CNOT2: variants seen among roughly 807,000 people sequenced by gnomAD.
The protein encoded by CNOT2 is CC chemokine receptor 4-negative regulator of transcription 2.
Under a neutral mutation model 72.1 loss-of-function variants are expected in CNOT2, and 7 were observed. The observed-to-expected ratio is 0.10, with a 90% CI of 0.06 to 0.18. CNOT2 has a LOEUF of 0.18. Among genes scored for constraint, CNOT2 ranks in the 10% least tolerant of loss-of-function variants. The probability of loss-of-function intolerance (pLI) is 1.00; values close to 1 mark genes in which losing one functional copy is unlikely to be tolerated. For synonymous variants in CNOT2, 196 were observed against 225.6 expected, an observed-to-expected ratio of 0.87 and a Z score of 1.17; for missense variants, 345 against 660.3, an observed-to-expected ratio of 0.52 and a Z score of 5.23.
chr12:70,301,534 T>A (rs557514297), intron 2 of CNOT2, among the ~76,000 whole-genome samples: 1 of 152,128 alleles, frequency 6.6e-6, no homozygotes, highest in Non-Finnish European at 1.5e-5. Context: ...TTATTGATTT[T>A]CTTATGTTGA....
At chr12:70,278,417 G>A in intron 2 of CNOT2, 143 bp downstream of exon 2, 1 of 526,614 alleles carries the variant, frequency 1.9e-6, no homozygotes, top group Non-Finnish European at 3.4e-6. Flanking sequence ...ATTAAGTACT[G>A]GATTTGATAG....
chr12:70,334,079 G>T (rs192440096), intron 7 of CNOT2, among the ~76,000 whole-genome samples: 1 of 151,730 alleles, frequency 6.6e-6, no homozygotes. Context: ...ATAGATTGGG[G>T]GTTTATTAAC....
At chr12:70,251,506 T>TA (rs1474459972) in intron 1 of CNOT2, among the ~76,000 whole-genome samples, 4 of 152,296 alleles carry the variant, frequency 2.6e-5, no homozygotes, top group African/African-American at 9.6e-5. Context: ...TATGAGGTCT[T>TA]ATCTTTTATG....
intron 4 of CNOT2, among the ~76,000 whole-genome samples, chr12:70,320,543 A>G (rs1393572905): frequency 6.6e-6 from 1 of 151,750 alleles, no homozygotes; most frequent in Non-Finnish European, 1.5e-5. Flanking sequence ...AAAGCTTATT[A>G]CATAAAAAAA....
intron 9 of CNOT2, 180 bp downstream of exon 9, chr12:70,337,693 A>G (rs1215759539): frequency 1.4e-6 from 1 of 699,230 alleles, no homozygotes; most frequent in African/African-American, 1.8e-5. Context: ...TTTTTTTCCT[A>G]TTTCATATAG....
chr12:70,261,604 C>T (rs939508169), intron 1 of CNOT2, among the ~76,000 whole-genome samples: 1 of 151,850 alleles, frequency 6.6e-6, no homozygotes, highest in Non-Finnish European at 1.5e-5. Flanking sequence ...GCGTGAGCTA[C>T]CACGCCTGGC....
intron 2 of CNOT2, among the ~76,000 whole-genome samples, chr12:70,310,118 G>A (rs896051371): frequency 3.3e-5 from 5 of 151,976 alleles, no homozygotes; most frequent in African/African-American, 1.2e-4. Context: ...ATGTGTGTAG[G>A]TTATATGCAA....
chr12:70,246,627 T>C (rs1957887331), intron 1 of CNOT2, among the ~76,000 whole-genome samples: 1 of 152,312 alleles, frequency 6.6e-6, no homozygotes, highest in South Asian at 2.1e-4. Context: ...TCACTGTGAC[T>C]TATATCAGAT....
chr12:70,273,401 A>G (rs932628606), intron 1 of CNOT2, among the ~76,000 whole-genome samples: 4 of 152,030 alleles, frequency 2.6e-5, no homozygotes, highest in East Asian at 1.9e-4. Flanking sequence ...GATATCTACC[A>G]TACTCTCTTT....
chr12:70,288,168 A>C (rs1260176453), intron 2 of CNOT2, among the ~76,000 whole-genome samples: 1 of 76,806 alleles, frequency 1.3e-5, no homozygotes, highest in African/African-American at 4.9e-5. Flanking sequence ...TTTGAAACGG[A>C]GTTTCGCTCT....
intron 2 of CNOT2, among the ~76,000 whole-genome samples, chr12:70,283,467 T>TA (rs1555192629): frequency 2.8e-5 from 4 of 142,562 alleles, no homozygotes; most frequent in South Asian, 2.3e-4. Flanking sequence ...GTCAGTCGAT[T>TA]GATAGATAGA....
chr12:70,336,975 G>A (rs1450862443), intron 8 of CNOT2: 1 of 156,382 alleles, frequency 6.4e-6, no homozygotes, highest in Non-Finnish European at 1.4e-5. Context: ...TGCTCACTCT[G>A]TAAGTCGCTT....
At chr12:70,254,020 C>T (rs12310891) in intron 1 of CNOT2, among the ~76,000 whole-genome samples, 2,054 of 152,122 alleles carry the variant, frequency 0.014, 46 homozygotes, top group African/African-American at 0.046. Flanking sequence ...GGGCAGATCA[C>T]GAGGTCAGGA....
At chr12:70,268,468 C>G (rs898568353) in intron 1 of CNOT2, among the ~76,000 whole-genome samples, 4 of 152,084 alleles carry the variant, frequency 2.6e-5, no homozygotes, top group African/African-American at 7.2e-5. Context: ...TTTTCTGAGA[C>G]AGGGTCTTGT....
chr12:70,251,166 A>G (rs1359272527), intron 1 of CNOT2, among the ~76,000 whole-genome samples: 2 of 152,210 alleles, frequency 1.3e-5, no homozygotes, highest in Admixed American at 6.5e-5. Context: ...ACAGTCCAAT[A>G]AATGTTACTT....
intron 4 of CNOT2, among the ~76,000 whole-genome samples, chr12:70,320,287 A>G (rs1878075259): frequency 6.6e-6 from 1 of 151,770 alleles, no homozygotes. Flanking sequence ...TCCCAGTATA[A>G]TGAAAAGCAA....
chr12:70,287,058 G>A (rs1192724500), intron 2 of CNOT2, among the ~76,000 whole-genome samples: 1 of 151,724 alleles, frequency 6.6e-6, no homozygotes, highest in African/African-American at 2.4e-5. Flanking sequence ...GGCTTTTTGG[G>A]GGGTTCATAT....
At chr12:70,293,621 T>C (rs1480422224) in intron 2 of CNOT2, among the ~76,000 whole-genome samples, 4 of 152,202 alleles carry the variant, frequency 2.6e-5, no homozygotes, top group Admixed American at 2.0e-4. Context: ...ATTCACTTTT[T>C]CCCAAGGATT....
chr12:70,332,298 G>A (rs1028670905), intron 6 of CNOT2: 1 of 151,996 alleles, frequency 6.6e-6, no homozygotes, highest in Non-Finnish European at 1.5e-5. Context: ...TCCATGAGGA[G>A]TTTATATTCT....
Sources: gnomAD v4.1 joint callset for allele counts (sites outside exome capture counted in the v4.1 genomes callset) on GRCh38, gnomAD v4.1.1 for gene constraint, MANE v1.5 for transcripts, NCBI Gene and HGNC (gene_info 2026-07-23, HGNC 2026-07-21) for gene names.